The following OSBPL3 variants were observed in gnomAD, a reference collection of about 807,000 sequenced individuals.
The protein encoded by OSBPL3 is oxysterol binding protein like 3.
Under a neutral mutation model 120.1 loss-of-function variants are expected in OSBPL3, and 65 were observed. That is an observed-to-expected ratio of 0.54 (90% CI 0.44 to 0.67). OSBPL3 has a LOEUF of 0.67. Among genes scored for constraint, OSBPL3 ranks in the 30% least tolerant of loss-of-function variants. OSBPL3 has a pLI of 0.00. For synonymous variants in OSBPL3, 416 were observed against 402.6 expected (o/e 1.03, Z -0.40); for missense variants, 1,004 against 1,082.1 (o/e 0.93, Z 1.01).
In OSBPL3 at chr7:24,937,680, G is replaced by A. The variant is rs538461012; in HGVS notation, c.-150+42206C>T. Among the ~76,000 whole-genome samples the A allele has an allele frequency of 7.9e-5, 12 of 152,108 alleles. No homozygotes were observed. Among genetic ancestry groups the A allele is most frequent in the Non-Finnish European group, 1.5e-4 (10 of 68,028 alleles). On this transcript the variant is annotated intron_variant, in intron 1 of 22. Transcript: ENST00000313367. The surrounding 1 kb of genome is among the most constrained non-coding windows in gnomAD (Gnocchi z 4.0). The stretch of plus-strand genomic sequence containing the variant: ...GAACTGGAGGTTTATGGTGCTATCA[G>A]GCATAAAACATGAAACACCTTAAAC...
chr7:24,803,119 G>A lies in OSBPL3; in HGVS notation c.2567+1196C>T, dbSNP rs1263064210. Among the ~76,000 whole-genome samples, 3 of 152,092 alleles carry A rather than the reference G, an allele frequency of 2.0e-5. No individual in the cohort carries two copies. On this transcript the variant is annotated intron_variant, in intron 22 of 22. Transcript: ENST00000313367. The surrounding 1 kb of genome is among the most constrained non-coding windows in gnomAD (Gnocchi z 4.2). ...TTGGAATACAGATTTTATTACTGCTGCTGTTATTAATAACTAAATCCTAAA... is the reference window on the plus strand; with the variant it reads ...TTGGAATACAGATTTTATTACTGCTACTGTTATTAATAACTAAATCCTAAA...
chr7:24,957,903 T>C (rs1418610724), intron 1 of OSBPL3, among the ~76,000 whole-genome samples: 1 of 152,198 alleles, frequency 6.6e-6, no homozygotes, highest in Non-Finnish European at 1.5e-5. Flanking sequence ...TACACTGTTT[T>C]ACACATTCTT....
chr7:24,928,416 C>T (rs1028578236), intron 1 of OSBPL3, among the ~76,000 whole-genome samples: 1 of 152,102 alleles, frequency 6.6e-6, no homozygotes, highest in African/African-American at 2.4e-5. Flanking sequence ...TGGTCTCGAT[C>T]TCCTGACCTC....
At chr7:24,919,399 C>T (rs1014336029) in intron 1 of OSBPL3, among the ~76,000 whole-genome samples, 3 of 151,884 alleles carry the variant, frequency 2.0e-5, no homozygotes, top group Non-Finnish European at 4.4e-5. Context: ...CTAGATAATC[C>T]AAAGGGGAAA....
Position 24,972,897 on chromosome 7 carries a change from T to A in OSBPL3, c.-150+6989A>T, listed in dbSNP as rs748242646. On this transcript the variant is annotated intron_variant, in intron 1 of 22. Coordinates refer to ENST00000313367, the MANE Select transcript of OSBPL3 (RefSeq NM_015550.4). This position sits in a 1 kb window ranked among gnomAD's most constrained non-coding sequence, Gnocchi z 4.3. The stretch of plus-strand genomic sequence containing the variant: ...CTTGTAACTATTACAATATTTGATA[T>A]CAAGACAGGAAACCAGTGTGGGAAT... 1.6e-4 allele frequency among the ~76,000 whole-genome samples: 24 copies of A among 152,194 alleles called. No individual in the cohort carries two copies. Among genetic ancestry groups the A allele is most frequent in the Non-Finnish European group, 2.5e-4 (17 of 68,024 alleles).
In OSBPL3 at chr7:24,802,623, G is replaced by A. The variant is rs1195523900; in HGVS notation, c.2567+1692C>T. ...CGTAAGGTCATCCTTAATGCCTCAT[G>A]TTGGATCGAGTTGGTGAATCTCCTT... On this transcript the variant is annotated intron_variant, in intron 22 of 22. Coordinates refer to ENST00000313367, the MANE Select transcript of OSBPL3 (RefSeq NM_015550.4). This position sits in a 1 kb window ranked among gnomAD's most constrained non-coding sequence, Gnocchi z 4.1. Among the ~76,000 whole-genome samples the A allele has an allele frequency of 1.3e-5, 2 of 152,174 alleles. No homozygotes were observed. The highest frequency in any genetic ancestry group is 2.9e-5 in the Non-Finnish European group (2 of 68,026).
rs1459113537 is a variant in OSBPL3, at chr7:24,892,384, C to T, written c.89G>A (p.Ser30Asn). ...STSSCSSKQGSRQDSWEVVEG... is the reference protein window; with the variant it reads ...STSSCSSKQGNRQDSWEVVEG... ...GCATGAGTTAAACTTTACCTGTCGACTTCCTTGCTTGGAAGAGCAGCTACT... is the reference window on the plus strand; with the variant it reads ...GCATGAGTTAAACTTTACCTGTCGATTTCCTTGCTTGGAAGAGCAGCTACT... Residue 30 changes from serine to asparagine, a missense_variant, in exon 2 of 23, where the codon AGT (serine) becomes AAT (asparagine). Physicochemically the swap from Ser to Asn is conservative, Grantham distance 46 (BLOSUM62 1). Around this residue, in one of 4 missense-constraint regions of OSBPL3, gnomAD observed 255 missense variants for 248.7 expected, o/e 1.03. Transcript: ENST00000313367. The T allele has an allele frequency of 1.2e-6, 2 of 1,613,346 alleles. No homozygotes were observed. Among genetic ancestry groups the T allele is most frequent in the Middle Eastern group, 1.6e-4 (1 of 6,062 alleles).
intron 1 of OSBPL3, among the ~76,000 whole-genome samples, chr7:24,892,888 T>TA (rs1562894340): frequency 1.3e-5 from 2 of 152,194 alleles, no homozygotes; most frequent in African/African-American, 2.4e-5. Context: ...ATCAGTACTA[T>TA]AAAAAATCTT....
intron 1 of OSBPL3, among the ~76,000 whole-genome samples, chr7:24,907,815 A>C (rs1159831556): frequency 6.6e-6 from 1 of 152,144 alleles, no homozygotes; most frequent in Admixed American, 6.5e-5. Flanking sequence ...CACTCTTCAT[A>C]TCCTGACTGC....
chr7:24,868,338 AGTGTGTGTGTGTGTGTGT>A (rs55688298), intron 5 of OSBPL3, among the ~76,000 whole-genome samples: 10 of 137,910 alleles, frequency 7.3e-5, no homozygotes, highest in African/African-American at 2.7e-4. Flanking sequence ...AAAAAAAAAA[AGTGTGTGTGTGTGTGTGT>A]GTGTGTGTGT....
rs1347551172 is a variant in OSBPL3 at position 24,900,932 on chromosome 7, G to A, written c.-149-8311C>T. ...GCTACTGGGGAGGCTGAAGTGGGAG[G>A]ATGACTTGAGTCTGGGAGGCGGAGG... is the stretch of plus-strand genomic sequence containing the variant. On this transcript the variant is annotated intron_variant, in intron 1 of 22. Coordinates refer to ENST00000313367, the MANE Select transcript of OSBPL3 (RefSeq NM_015550.4). This position sits in a 1 kb window ranked among gnomAD's most constrained non-coding sequence, Gnocchi z 4.5. 2.0e-5 allele frequency among the ~76,000 whole-genome samples: 3 copies of A among 151,766 alleles called. No individual in the cohort carries two copies. Among genetic ancestry groups the A allele is most frequent in the Non-Finnish European group, 4.4e-5 (3 of 67,978 alleles).
rs1472225023 is a variant in OSBPL3, at chr7:24,827,624, A to G, written c.1884+3144T>C. 1.3e-5 allele frequency among the ~76,000 whole-genome samples: 2 copies of G among 152,362 alleles called. No homozygotes were observed. The highest frequency in any genetic ancestry group is 3.9e-4 in the East Asian group (2 of 5,190). On this transcript the variant is annotated intron_variant, in intron 16 of 22. Coordinates refer to ENST00000313367, the MANE Select transcript of OSBPL3 (RefSeq NM_015550.4). This position sits in a 1 kb window ranked among gnomAD's most constrained non-coding sequence, Gnocchi z 5.1. ...CAGGTCTATTTTTCACAGTAAATGC[A>G]TTTAGTAGCATTCTAGTTTATATAC...
rs1802246610 is a variant in OSBPL3, at chr7:24,872,324, A to C, written c.97-255T>G. Among the ~76,000 whole-genome samples the C allele has an allele frequency of 6.6e-6, 1 of 151,844 alleles. No homozygotes were observed. The highest frequency in any genetic ancestry group is 2.1e-4 in the South Asian group (1 of 4,810). Reference sequence around the variant, plus strand: ...AGGGAATGTTTCTTTCGGTGTTTGAACCTTAATAGGCACAGCTAAATGTAA... The same window carrying C: ...AGGGAATGTTTCTTTCGGTGTTTGACCCTTAATAGGCACAGCTAAATGTAA... On this transcript the variant is annotated intron_variant, in intron 2 of 22. Coordinates refer to ENST00000313367, the MANE Select transcript of OSBPL3 (RefSeq NM_015550.4). The surrounding 1 kb of genome is among the most constrained non-coding windows in gnomAD (Gnocchi z 4.1).
chr7:24,939,680 C>T lies in OSBPL3; in HGVS notation c.-150+40206G>A, dbSNP rs1335829202. On this transcript the variant is annotated intron_variant, in intron 1 of 22. Transcript: ENST00000313367. The surrounding 1 kb of genome is among the most constrained non-coding windows in gnomAD (Gnocchi z 4.2). ...TATTTGGGTTTTCCATTACTTGCAG[C>T]CAAAATCACCCTAATAGTCAACAGT... 6.6e-6 allele frequency among the ~76,000 whole-genome samples: 1 copy of T among 152,094 alleles called. No homozygotes were observed. Among genetic ancestry groups the T allele is most frequent in the African/African-American group, 2.4e-5 (1 of 41,394 alleles).
rs1562900949 is a variant in OSBPL3, at chr7:24,898,005, G to C, written c.-149-5384C>G. ...GCAATTTCCCAGTAAAATATATAAA[G>C]AAATTATGTCCTGAATTAACGTTAG... On this transcript the variant is annotated intron_variant, in intron 1 of 22. Coordinates refer to ENST00000313367, the MANE Select transcript of OSBPL3 (RefSeq NM_015550.4). The surrounding 1 kb of genome is among the most constrained non-coding windows in gnomAD (Gnocchi z 4.3). Among the ~76,000 whole-genome samples, 1 of 152,154 alleles carries C rather than the reference G, an allele frequency of 6.6e-6. No individual in the cohort carries two copies. The highest frequency in any genetic ancestry group is 1.5e-5 in the Non-Finnish European group (1 of 68,034).
In OSBPL3 at chr7:24,894,551, T is replaced by C. The variant is rs965120982; in HGVS notation, c.-149-1930A>G. 1.3e-5 allele frequency among the ~76,000 whole-genome samples: 2 copies of C among 151,588 alleles called. No homozygotes were observed. Among genetic ancestry groups the C allele is most frequent in the Admixed American group, 6.6e-5 (1 of 15,238 alleles). On this transcript the variant is annotated intron_variant, in intron 1 of 22. Transcript: ENST00000313367. This position sits in a 1 kb window ranked among gnomAD's most constrained non-coding sequence, Gnocchi z 4.1. ...CTGGTGGGAGCCCCAAATGATGAAA[T>C]GTGTGTCTGTGCTTGGGGCGGGGAG...
intron 1 of OSBPL3, among the ~76,000 whole-genome samples, chr7:24,958,946 T>G (rs980039055): frequency 6.6e-6 from 1 of 152,198 alleles, no homozygotes; most frequent in Non-Finnish European, 1.5e-5. Flanking sequence ...AACACTGAAA[T>G]TCTGGCTGGG....
At position 24,891,593 on chromosome 7, in the gene OSBPL3, C is replaced by T. The variant is rs753398256; in HGVS notation, c.96+784G>A. 6.6e-6 allele frequency among the ~76,000 whole-genome samples: 1 copy of T among 152,208 alleles called. No individual in the cohort carries two copies. The highest frequency in any genetic ancestry group is 2.4e-5 in the African/African-American group (1 of 41,452). On this transcript the variant is annotated intron_variant, in intron 2 of 22. Coordinates refer to ENST00000313367, the MANE Select transcript of OSBPL3 (RefSeq NM_015550.4). The surrounding 1 kb of genome is among the most constrained non-coding windows in gnomAD (Gnocchi z 4.1). ...GGTCATAAATTCAGCTTTCTGACAG[C>T]TCATTCTCTCTCCATCTAACTGCTG...
In OSBPL3 at chr7:24,830,603, G is replaced by A. The variant is rs1796245575; in HGVS notation, c.1884+165C>T. ...CTTTATGCCCCTGGGTGGTGGCTTG[G>A]CTTCAGTGGAAGGGAAATCGATCCC... On this transcript the variant is annotated intron_variant, in intron 16 of 22. Coordinates refer to ENST00000313367, the MANE Select transcript of OSBPL3 (RefSeq NM_015550.4). The surrounding 1 kb of genome is among the most constrained non-coding windows in gnomAD (Gnocchi z 4.4). 6.6e-6 allele frequency among the ~76,000 whole-genome samples: 1 copy of A among 152,162 alleles called. No individual in the cohort carries two copies. Among genetic ancestry groups the A allele is most frequent in the African/African-American group, 2.4e-5 (1 of 41,428 alleles).
Sources: gnomAD v4.1 joint callset for allele counts (sites outside exome capture counted in the v4.1 genomes callset) on GRCh38, gnomAD v4.1.1 for gene constraint, gnomAD v4.1.1 regional missense constraint, Gnocchi (gnomAD v3.1) non-coding constraint, MANE v1.5 for transcripts, NCBI Gene and HGNC (gene_info 2026-07-23, HGNC 2026-07-21) for gene names.